Variants in STK39 observed in about 807,000 individuals in gnomAD.
STK39 encodes the protein serine/threonine kinase 39.
Under a neutral mutation model 77.8 loss-of-function variants are expected in STK39, and 20 were observed. That is an observed-to-expected ratio of 0.26 (90% CI 0.18 to 0.37). The LOEUF (loss-of-function observed/expected upper bound fraction) is 0.37. Among genes scored for constraint, STK39 ranks in the 10% least tolerant of loss-of-function variants. The pLI is 1.00. For synonymous variants in STK39, 246 were observed against 234.1 expected (o/e 1.05, Z -0.47); for missense variants, 479 against 656.5 (o/e 0.73, Z 2.95).
At chr2:168,185,026 T>C (rs73971383) in intron 1 of STK39, among the ~76,000 whole-genome samples, 7,082 of 152,262 alleles carry the variant, frequency 0.047, 521 homozygotes, top group African/African-American at 0.16. Flanking sequence ...AGCTAAAAAA[T>C]GTGGGGCTTG....
At position 168,142,530 on chromosome 2, in the gene STK39, C is replaced by T. The variant is rs570156421; in HGVS notation, c.629-1772G>A. The stretch of plus-strand genomic sequence containing the variant: ...AAGTCTCTTCCTAAAAGACATAATC[C>T]AGGTAAAAATCCATAGTTAACATTA... On this transcript the variant is annotated intron_variant, in intron 5 of 17. Transcript: ENST00000355999. 5.2e-4 allele frequency among the ~76,000 whole-genome samples: 79 copies of T among 152,146 alleles called. 1 individual carries two copies. The highest frequency in any genetic ancestry group is 1.8e-3 in the African/African-American group (74 of 41,530).
intron 16 of STK39, among the ~76,000 whole-genome samples, chr2:167,997,552 T>C (rs928695305): frequency 6.6e-6 from 1 of 152,164 alleles, no homozygotes; most frequent in African/African-American, 2.4e-5. Flanking sequence ...ATGAACTAAC[T>C]TCCCCAAGTC....
At chr2:168,161,073 C>T (rs946953811) in intron 5 of STK39, among the ~76,000 whole-genome samples, 1 of 152,166 alleles carries the variant, frequency 6.6e-6, no homozygotes, top group African/African-American at 2.4e-5. Context: ...GAGGGAATGA[C>T]TGTCTAGCCA....
At chr2:167,972,506 C>T (rs1433771510) in intron 16 of STK39, among the ~76,000 whole-genome samples, 2 of 152,108 alleles carry the variant, frequency 1.3e-5, no homozygotes, top group Non-Finnish European at 2.9e-5. Flanking sequence ...GGCCCGGGTT[C>T]AGGGTTCAAT....
At chr2:168,221,239 ATT>A (rs1455350727) in intron 1 of STK39, among the ~76,000 whole-genome samples, 1 of 152,200 alleles carries the variant, frequency 6.6e-6, no homozygotes, top group Non-Finnish European at 1.5e-5. Context: ...CAAAAAAACC[ATT>A]GTTTCTTTTC....
At chr2:168,000,996 C>T (rs1383777554) in intron 16 of STK39, among the ~76,000 whole-genome samples, 1 of 152,190 alleles carries the variant, frequency 6.6e-6, no homozygotes, top group Non-Finnish European at 1.5e-5. Context: ...ACAGCTCCCT[C>T]TTTACTTGTG....
At chr2:168,125,564 C>T (rs1687519607) in intron 10 of STK39, among the ~76,000 whole-genome samples, 1 of 152,110 alleles carries the variant, frequency 6.6e-6, no homozygotes, top group Non-Finnish European at 1.5e-5. Flanking sequence ...TCTTATATTA[C>T]CCTTCACCAC....
chr2:167,997,872 T>A (rs1683887433), intron 16 of STK39, among the ~76,000 whole-genome samples: 1 of 152,042 alleles, frequency 6.6e-6, no homozygotes, highest in South Asian at 2.1e-4. Context: ...GTATGAAAAT[T>A]TCTACGCCAT....
intron 14 of STK39, among the ~76,000 whole-genome samples, chr2:168,059,209 C>T (rs1255459167): frequency 6.6e-6 from 1 of 152,150 alleles, no homozygotes. Context: ...TAAGATGACC[C>T]CAATAAACCC....
chr2:168,116,435 C>T (rs546886914), intron 10 of STK39, among the ~76,000 whole-genome samples: 3 of 152,218 alleles, frequency 2.0e-5, no homozygotes, highest in African/African-American at 4.8e-5. Context: ...CAAAGTGCAA[C>T]CTTAATCGAG....
intron 5 of STK39, among the ~76,000 whole-genome samples, chr2:168,144,441 C>A (rs1215525663): frequency 6.6e-6 from 1 of 151,778 alleles, no homozygotes; most frequent in Non-Finnish European, 1.5e-5. Flanking sequence ...GCAGCTATGA[C>A]TACAGGCATG....
intron 1 of STK39, among the ~76,000 whole-genome samples, chr2:168,233,812 A>G (rs965591029): frequency 6.6e-6 from 1 of 152,206 alleles, no homozygotes; most frequent in Admixed American, 6.5e-5. Flanking sequence ...TATCCAACCA[A>G]AAGACTCTAA....
chr2:167,957,558 T>C (rs1383849269), intron 17 of STK39, among the ~76,000 whole-genome samples: 1 of 152,186 alleles, frequency 6.6e-6, no homozygotes, highest in Non-Finnish European at 1.5e-5. Flanking sequence ...TAACATCATT[T>C]ACTCAACCCA....
chr2:168,176,521 A>G (rs1433790867), intron 2 of STK39, among the ~76,000 whole-genome samples: 1 of 152,172 alleles, frequency 6.6e-6, no homozygotes, highest in Non-Finnish European at 1.5e-5. Context: ...TTTTCTAAGG[A>G]GAGGGAGGTG....
rs1476057446 is a variant in STK39 at position 168,176,003 on chromosome 2, A to C, written c.321+5975T>G. ...GCTAATGCTATATCCTTAATATAAA[A>C]AACTCTACAACAAATAGCTAAATGC... On this transcript the variant is annotated intron_variant, in intron 2 of 17. Coordinates refer to ENST00000355999, the MANE Select transcript of STK39 (RefSeq NM_013233.3). Among the ~76,000 whole-genome samples, 5 of 152,330 alleles carry C rather than the reference A, an allele frequency of 3.3e-5. No individual in the cohort carries two copies. In the East Asian group the frequency reaches 9.6e-4, roughly 29 times the overall value.
chr2:167,964,382 G>A (rs576987038), intron 17 of STK39: 58 of 334,668 alleles, frequency 1.7e-4, no homozygotes, highest in African/African-American at 1.3e-3. Flanking sequence ...AATACAAACT[G>A]CAAGCAAAAT....
rs142621976 is a variant in STK39, at chr2:168,219,418, G to C, written c.208+27810C>G. Among the ~76,000 whole-genome samples, 26 of 152,238 alleles carry C rather than the reference G, an allele frequency of 1.7e-4. No individual in the cohort carries two copies. The East Asian group carries it at 3.1e-3, about 18-fold the overall frequency. On this transcript the variant is annotated intron_variant, in intron 1 of 17. Transcript: ENST00000355999. ...GGCACTATGGGGACTTCCTACCCTG[G>C]ACGGAAGAGGTCTCTATCTCTGTCC...
chr2:168,045,175 A>T (rs1559071179), intron 14 of STK39, among the ~76,000 whole-genome samples: 1 of 150,678 alleles, frequency 6.6e-6, no homozygotes, highest in Non-Finnish European at 1.5e-5. Flanking sequence ...TAATCTGGTT[A>T]AAAAAAAAAT....
intron 10 of STK39, among the ~76,000 whole-genome samples, chr2:168,125,762 G>A (rs190773450): frequency 2.6e-5 from 4 of 152,230 alleles, no homozygotes. Context: ...AGGCCATGTC[G>A]ATCTTTTTCC....
Sources: allele counts gnomAD v4.1 joint callset (sites outside exome capture counted in the v4.1 genomes callset), GRCh38; gene constraint gnomAD v4.1.1; transcripts MANE v1.5; gene names NCBI Gene and HGNC (gene_info 2026-07-23, HGNC 2026-07-21).